The following FUT8 variants were observed in gnomAD, a reference collection of about 807,000 sequenced individuals.
FUT8 encodes alpha-(1,6)-fucosyltransferase.
In FUT8, 29 loss-of-function variants were observed where a neutral mutation model predicts 71.3. The observed-to-expected ratio is 0.41, with a 90% confidence interval of 0.30 to 0.55. The LOEUF (loss-of-function observed/expected upper bound fraction) is 0.55, where lower values mean the gene tolerates loss of function less well. FUT8 is among the 20% of genes least tolerant of loss of function. FUT8 has a pLI of 0.34. For missense variants in FUT8, 544 were observed against 702.1 expected, an observed-to-expected ratio of 0.77 and a Z score of 2.55; for synonymous variants, 254 against 239.3, an observed-to-expected ratio of 1.06 and a Z score of -0.57.
At chr14:65,556,255 G>T (rs1594766241) in intron 2 of FUT8, among the ~76,000 whole-genome samples, 1 of 152,170 alleles carries the variant, frequency 6.6e-6, no homozygotes, top group Non-Finnish European at 1.5e-5. Context: ...CTAGGTGAGG[G>T]TCTTTAAAAA....
chr14:65,521,868 C>CTTT (rs71126758), intron 2 of FUT8, among the ~76,000 whole-genome samples: 3 of 144,188 alleles, frequency 2.1e-5, no homozygotes, highest in African/African-American at 7.7e-5. Context: ...GAATCTTCTT[C>CTTT]TTTTTTTTTT....
At chr14:65,378,836 GGTT>G in the FUT8 span, among the ~76,000 whole-genome samples, 1 of 74,852 alleles carries the variant, frequency 1.3e-5, no homozygotes, top group African/African-American at 3.7e-5. Context: ...TTCACAAGAA[GGTT>G]TTTTTTTTTT....
rs545827636 is a variant in FUT8, at chr14:65,591,635, A to AT, written c.204-24336dup. 3.0e-3 allele frequency among the ~76,000 whole-genome samples: 449 copies of AT among 152,118 alleles called. 6 individuals are homozygous for AT. The highest frequency in any genetic ancestry group is 0.01 in the African/African-American group (428 of 41,520). ...ATTGTGATTTTGCAAACAGATAATC[A>AT]TTTTTTTCATTGGTGACATGAGGGG... On this transcript the variant is annotated intron_variant, in intron 3 of 10. Transcript: ENST00000673929.
Position 65,694,256 on chromosome 14 carries a change from T to G in FUT8, c.835+24776T>G, listed in dbSNP as rs150903688. Among the ~76,000 whole-genome samples, 1,056 of 152,136 alleles carry G rather than the reference T, an allele frequency of 6.9e-3. 12 individuals are homozygous for G. The highest frequency in any genetic ancestry group is 0.023 in the African/African-American group (956 of 41,384). ...TAGTTTGCTAATATGGAAGCTTAGATAATTGGGTTTAGCTTTTTCTTCCTT... is the reference window on the plus strand; with the variant it reads ...TAGTTTGCTAATATGGAAGCTTAGAGAATTGGGTTTAGCTTTTTCTTCCTT... On this transcript the variant is annotated intron_variant, in intron 7 of 10. Coordinates refer to ENST00000673929, the MANE Select transcript of FUT8 (RefSeq NM_001371533.1).
chr14:65,611,249 A>G lies in FUT8; in HGVS notation c.204-4729A>G, dbSNP rs1288412780. ...CACACACACACACACACACACACAC[A>G]CACACACACACACACACACACACAC... On this transcript the variant is annotated intron_variant, in intron 3 of 10. Coordinates refer to ENST00000673929, the MANE Select transcript of FUT8 (RefSeq NM_001371533.1). Among the ~76,000 whole-genome samples, 7 of 47,936 alleles carry G rather than the reference A, an allele frequency of 1.5e-4. 1 individual carries two copies. The highest frequency in any genetic ancestry group is 6.0e-4 in the East Asian group (1 of 1,660). The allele number at this position is 47,936 out of a possible 152,430, so 31.4% of individuals were successfully genotyped here.
intron 7 of FUT8, among the ~76,000 whole-genome samples, chr14:65,689,557 G>T (rs1280851824): frequency 1.3e-5 from 2 of 151,670 alleles, no homozygotes; most frequent in African/African-American, 2.4e-5. Flanking sequence ...TTTGTTTTTT[G>T]TTACAGAGTC....
the FUT8 span, among the ~76,000 whole-genome samples, chr14:65,395,342 C>T: frequency 6.6e-6 from 1 of 152,250 alleles, no homozygotes; most frequent in African/African-American, 2.4e-5. Context: ...GCTTCAACCC[C>T]ACATTTCCCT....
chr14:65,527,310 C>G (rs940107061), intron 2 of FUT8, among the ~76,000 whole-genome samples: 1 of 152,138 alleles, frequency 6.6e-6, no homozygotes, highest in Admixed American at 6.6e-5. Context: ...TCATTTCATT[C>G]ATTTGATCTT....
intron 2 of FUT8, among the ~76,000 whole-genome samples, chr14:65,535,274 T>C (rs909526958): frequency 6.6e-6 from 1 of 151,870 alleles, no homozygotes; most frequent in Non-Finnish European, 1.5e-5. Flanking sequence ...CAATTTTTTA[T>C]ATTTTTAGTA....
At chr14:65,729,696 C>A (rs949164681) in intron 9 of FUT8, among the ~76,000 whole-genome samples, 5 of 152,030 alleles carry the variant, frequency 3.3e-5, no homozygotes, top group Admixed American at 2.0e-4. Flanking sequence ...AAACATTTTA[C>A]AGCTTTGATC....
At chr14:65,693,353 G>A (rs1270041685) in intron 7 of FUT8, among the ~76,000 whole-genome samples, 3 of 151,218 alleles carry the variant, frequency 2.0e-5, no homozygotes, top group Non-Finnish European at 3.0e-5. Flanking sequence ...AAAAAAATAC[G>A]AAAACCAGTC....
intron 2 of FUT8, among the ~76,000 whole-genome samples, chr14:65,534,248 G>A (rs1194891128): frequency 6.6e-6 from 1 of 152,000 alleles, no homozygotes; most frequent in African/African-American, 2.4e-5. Flanking sequence ...TCAACCTCCT[G>A]AATAGCTGAG....
At chr14:65,510,958 T>C (rs933009159) in intron 2 of FUT8, among the ~76,000 whole-genome samples, 1 of 152,130 alleles carries the variant, frequency 6.6e-6, no homozygotes, top group African/African-American at 2.4e-5. Context: ...TGAGTTTGTT[T>C]TCCTCTTGCT....
chr14:65,681,316 T>C (rs1001836262), intron 7 of FUT8, among the ~76,000 whole-genome samples: 2 of 152,188 alleles, frequency 1.3e-5, no homozygotes, highest in African/African-American at 4.8e-5. Context: ...ACCTTACCTA[T>C]GTTATTCAAA....
intron 3 of FUT8, among the ~76,000 whole-genome samples, chr14:65,579,795 A>G (rs893203827): frequency 6.6e-6 from 1 of 152,086 alleles, no homozygotes; most frequent in African/African-American, 2.4e-5. Flanking sequence ...TGCCAGATCT[A>G]AGCTGATTTC....
At chr14:65,401,652 C>T in the FUT8 span, among the ~76,000 whole-genome samples, 2 of 152,152 alleles carry the variant, frequency 1.3e-5, no homozygotes, top group South Asian at 2.1e-4. Context: ...AATCCCAACA[C>T]TTTGGAAGGC....
the FUT8 span, among the ~76,000 whole-genome samples, chr14:65,405,557 T>C: frequency 6.6e-6 from 1 of 152,226 alleles, no homozygotes; most frequent in Non-Finnish European, 1.5e-5. Context: ...TAATAGAGCA[T>C]ATTATTGCAT....
At chr14:65,664,466 A>G (rs1424905508) in intron 6 of FUT8, among the ~76,000 whole-genome samples, 1 of 152,154 alleles carries the variant, frequency 6.6e-6, no homozygotes, top group Non-Finnish European at 1.5e-5. Flanking sequence ...TGGAAACAAT[A>G]TTGACCAAAT....
chr14:65,642,602 C>CAAAAAA (rs71126774), intron 6 of FUT8, among the ~76,000 whole-genome samples: 1 of 95,642 alleles, frequency 1.0e-5, no homozygotes, highest in Non-Finnish European at 2.1e-5. Context: ...GACTCCGTCT[C>CAAAAAA]AAAAAAAAAA....
Sources: allele counts gnomAD v4.1 joint callset (sites outside exome capture counted in the v4.1 genomes callset), GRCh38; gene constraint gnomAD v4.1.1; transcripts MANE v1.5; gene names NCBI Gene and HGNC (gene_info 2026-07-23, HGNC 2026-07-21).